The following CNTNAP2 variants were observed in gnomAD, a reference collection of about 807,000 sequenced individuals.
CNTNAP2 encodes the protein contactin associated protein 2.
A neutral mutation model predicts 155.2 loss-of-function variants in CNTNAP2; 98 were observed. The ratio of observed to expected loss-of-function variants is 0.63; its 90% CI spans 0.54 to 0.75. CNTNAP2 has a LOEUF of 0.75. Among genes scored for constraint, CNTNAP2 ranks in the 30% least tolerant of loss-of-function variants. The pLI, the probability that CNTNAP2 is intolerant of heterozygous loss-of-function variation, is 0.00. For missense variants in CNTNAP2, 1,727 were observed against 1,688.1 expected (o/e 1.02, Z -0.40); for synonymous variants, 651 against 631.2 (o/e 1.03, Z -0.47).
intron 13 of CNTNAP2, among the ~76,000 whole-genome samples, chr7:147,793,210 TCTTA>T (rs1366033391): frequency 6.6e-6 from 1 of 152,172 alleles, no homozygotes; most frequent in Non-Finnish European, 1.5e-5. Context: ...TTATTTATTT[TCTTA>T]CTTTGTTGCT....
At chr7:148,097,174 A>T (rs1368263612) in intron 15 of CNTNAP2, among the ~76,000 whole-genome samples, 1 of 152,086 alleles carries the variant, frequency 6.6e-6, no homozygotes, top group Non-Finnish European at 1.5e-5. Flanking sequence ...ACATTTTCAG[A>T]CAACTTCTTT....
rs1416388655 is a variant in CNTNAP2 at position 146,963,854 on chromosome 7, G to A, written c.403-80053G>A. Among the ~76,000 whole-genome samples the A allele has an allele frequency of 2.6e-5, 4 of 152,204 alleles. No homozygotes were observed. In the East Asian group the frequency reaches 7.7e-4, roughly 29 times the overall value. ...GAAGTTTAAATGGCTCAACACTGTAGGATTCTGATTTGCAAAGAAACAGTC... is the reference window on the plus strand; with the variant it reads ...GAAGTTTAAATGGCTCAACACTGTAAGATTCTGATTTGCAAAGAAACAGTC... On this transcript the variant is annotated intron_variant, in intron 3 of 23. Transcript: ENST00000361727.
chr7:146,918,954 C>G (rs1259551134), intron 3 of CNTNAP2, among the ~76,000 whole-genome samples: 1 of 152,128 alleles, frequency 6.6e-6, no homozygotes, highest in Non-Finnish European at 1.5e-5. Flanking sequence ...GTTCTTTCTT[C>G]TACTTGTTTG....
chr7:148,217,591 C>G, intron 19 of CNTNAP2, 67 bp downstream of exon 19: 1 of 1,515,510 alleles, frequency 6.6e-7, no homozygotes, highest in Non-Finnish European at 9.2e-7. Flanking sequence ...TAGCAAGAGT[C>G]TATAGATTGT....
intron 14 of CNTNAP2, among the ~76,000 whole-genome samples, chr7:147,949,782 A>G (rs995831002): frequency 6.6e-6 from 1 of 152,144 alleles, no homozygotes; most frequent in Non-Finnish European, 1.5e-5. Flanking sequence ...AAACCCAAGT[A>G]GGATTCCAGG....
Position 146,483,280 on chromosome 7 carries a change from AAAATATATATATATATATATAT to A in CNTNAP2, c.98-290989_98-290968del, listed in dbSNP as rs1452370743. ...AACAGAGCAAGACTCCGTCTAAAAA[AAAATATATATATATATATATAT>A]ATATATATATATATATATATATATA... On this transcript the variant is annotated intron_variant, in intron 1 of 23. Transcript: ENST00000361727. 3.3e-4 allele frequency among the ~76,000 whole-genome samples: 18 copies of A among 54,478 alleles called. 1 individual carries two copies. Among genetic ancestry groups the A allele is most frequent in the African/African-American group, 8.2e-4 (10 of 12,140 alleles). 35.7% of individuals were successfully genotyped at this position (54,478 alleles called of 152,430 possible).
chr7:147,212,248 A>G (rs1373493050), intron 8 of CNTNAP2, among the ~76,000 whole-genome samples: 1 of 152,156 alleles, frequency 6.6e-6, no homozygotes, highest in Non-Finnish European at 1.5e-5. Flanking sequence ...CTGGATATAT[A>G]TCCAAAAGAA....
intron 9 of CNTNAP2, chr7:147,378,142 A>T (rs576267911): frequency 3.1e-6 from 1 of 321,186 alleles, no homozygotes; most frequent in Admixed American, 4.2e-5. Flanking sequence ...TGTATATTGT[A>T]GAATTTATAT....
At chr7:146,144,921 G>C (rs1797935659) in intron 1 of CNTNAP2, among the ~76,000 whole-genome samples, 1 of 152,108 alleles carries the variant, frequency 6.6e-6, no homozygotes, top group Non-Finnish European at 1.5e-5. Context: ...TATAATGGAA[G>C]GAAATGTCAG....
intron 13 of CNTNAP2, among the ~76,000 whole-genome samples, chr7:147,823,021 C>CTGATTA (rs1798386834): frequency 1.3e-5 from 2 of 152,202 alleles, no homozygotes; most frequent in African/African-American, 4.8e-5. Context: ...GATAATAAAG[C>CTGATTA]TTGCTTCGCA....
intron 13 of CNTNAP2, among the ~76,000 whole-genome samples, chr7:147,747,617 G>A (rs763364845): frequency 3.4e-4 from 51 of 152,156 alleles, no homozygotes; most frequent in Admixed American, 2.0e-4. Flanking sequence ...ATACCCAGCA[G>A]TGAGATTGCT....
At chr7:148,119,424 T>C (rs771310720) in intron 16 of CNTNAP2, among the ~76,000 whole-genome samples, 10 of 151,508 alleles carry the variant, frequency 6.6e-5, no homozygotes, top group Non-Finnish European at 1.0e-4. Flanking sequence ...CCCAGCTACT[T>C]GGGAGGCTGA....
intron 11 of CNTNAP2, among the ~76,000 whole-genome samples, chr7:147,546,762 T>C (rs1396054773): frequency 6.6e-6 from 1 of 152,224 alleles, no homozygotes; most frequent in African/African-American, 2.4e-5. Context: ...GGCAGCTCCC[T>C]GAGGAAACCT....
intron 1 of CNTNAP2, among the ~76,000 whole-genome samples, chr7:146,328,318 G>A (rs1017911198): frequency 1.3e-5 from 2 of 152,020 alleles, no homozygotes; most frequent in African/African-American, 4.8e-5. Context: ...CTATGAAACT[G>A]GTCCCCGGTG....
intron 12 of CNTNAP2, among the ~76,000 whole-genome samples, chr7:147,606,915 A>G (rs1044623956): frequency 1.2e-5 from 1 of 81,942 alleles, no homozygotes; most frequent in African/African-American, 5.3e-5. Context: ...GAATATTTTG[A>G]TAAGCCTCAC....
chr7:147,764,083 T>C (rs1797348101), intron 13 of CNTNAP2, among the ~76,000 whole-genome samples: 1 of 151,962 alleles, frequency 6.6e-6, no homozygotes, highest in African/African-American at 2.4e-5. Context: ...TCCATAGCTT[T>C]TTCCCTTGTT....
At chr7:146,303,838 C>T (rs970570948) in intron 1 of CNTNAP2, among the ~76,000 whole-genome samples, 2 of 152,018 alleles carry the variant, frequency 1.3e-5, no homozygotes, top group Non-Finnish European at 2.9e-5. Context: ...CTTTCTGTCT[C>T]GTTGATCTGT....
At chr7:146,438,908 G>A (rs1305243300) in intron 1 of CNTNAP2, among the ~76,000 whole-genome samples, 2 of 151,426 alleles carry the variant, frequency 1.3e-5, no homozygotes, top group Non-Finnish European at 2.9e-5. Context: ...CTGTCATCCT[G>A]AGCATAGATT....
chr7:147,818,285 T>C (rs780445719), intron 13 of CNTNAP2, among the ~76,000 whole-genome samples: 72 of 152,182 alleles, frequency 4.7e-4, no homozygotes, highest in Non-Finnish European at 9.8e-4. Context: ...CCTTTCTCTT[T>C]GAAATTCCTA....
Sources: allele counts gnomAD v4.1 joint callset (sites outside exome capture counted in the v4.1 genomes callset), GRCh38; gene constraint gnomAD v4.1.1; transcripts MANE v1.5; gene names NCBI Gene and HGNC (gene_info 2026-07-23, HGNC 2026-07-21).